Variants in ARHGAP15 observed in about 807,000 individuals in gnomAD.
ARHGAP15 encodes the protein rho GTPase-activating protein 15.
A neutral mutation model predicts 63.7 loss-of-function variants in ARHGAP15; 51 were observed. The ratio of observed to expected loss-of-function variants is 0.80; its 90% CI spans 0.64 to 1.01. ARHGAP15 has a LOEUF of 1.01. ARHGAP15 is among the 50% of genes least tolerant of loss of function. The pLI is 0.00. For missense variants in ARHGAP15, 560 were observed against 564.6 expected (o/e 0.99, Z 0.08); for synonymous variants, 191 against 193.8 (o/e 0.99, Z 0.12).
intron 9 of ARHGAP15, among the ~76,000 whole-genome samples, chr2:143,516,952 TTGTTGG>T (rs941735204): frequency 6.7e-5 from 10 of 150,346 alleles, no homozygotes; most frequent in African/African-American, 2.2e-4. Flanking sequence ...TTTGTTGTTG[TTGTTGG>T]TGTTGTTTTG....
At chr2:143,700,654 T>C (rs989856415) in intron 12 of ARHGAP15, among the ~76,000 whole-genome samples, 2 of 152,032 alleles carry the variant, frequency 1.3e-5, no homozygotes, top group Non-Finnish European at 2.9e-5. Context: ...CTGTACAGAA[T>C]GTATCCACCT....
intron 10 of ARHGAP15, among the ~76,000 whole-genome samples, chr2:143,521,728 G>A (rs962668737): frequency 1.3e-5 from 2 of 152,050 alleles, no homozygotes; most frequent in African/African-American, 4.8e-5. Flanking sequence ...TAGGGAAATG[G>A]TCTTGATACT....
chr2:143,502,887 T>G (rs1458080199), intron 9 of ARHGAP15, among the ~76,000 whole-genome samples: 1 of 152,192 alleles, frequency 6.6e-6, no homozygotes, highest in Non-Finnish European at 1.5e-5. Flanking sequence ...CCCCTGTGTG[T>G]GGATTCTTTC....
chr2:143,361,493 G>T (rs939220722), intron 6 of ARHGAP15, among the ~76,000 whole-genome samples: 1 of 152,250 alleles, frequency 6.6e-6, no homozygotes, highest in African/African-American at 2.4e-5. Context: ...ATAAAGCAGA[G>T]ATCTTGATGT....
At chr2:143,611,446 T>C (rs1319241779) in intron 11 of ARHGAP15, among the ~76,000 whole-genome samples, 1 of 152,202 alleles carries the variant, frequency 6.6e-6, no homozygotes, top group Admixed American at 6.5e-5. Flanking sequence ...TCCTCACTTA[T>C]AAAATCCGTG....
chr2:143,360,464 C>T (rs1685999342), intron 6 of ARHGAP15, among the ~76,000 whole-genome samples: 1 of 151,124 alleles, frequency 6.6e-6, no homozygotes, highest in Non-Finnish European at 1.5e-5. Flanking sequence ...TAGGCATCAA[C>T]AACTTAAAAG....
chr2:143,704,473 T>G (rs897136688), intron 13 of ARHGAP15, among the ~76,000 whole-genome samples: 1 of 152,124 alleles, frequency 6.6e-6, no homozygotes, highest in South Asian at 2.1e-4. Context: ...AGTGTGCAAA[T>G]TTTGGGTTTC....
At chr2:143,203,565 C>T (rs1262151048) in intron 3 of ARHGAP15, among the ~76,000 whole-genome samples, 1 of 152,088 alleles carries the variant, frequency 6.6e-6, no homozygotes, top group Non-Finnish European at 1.5e-5. Context: ...AGAAGCCCAA[C>T]AACCACCAGT....
Position 143,212,332 on chromosome 2 carries a change from G to A in ARHGAP15, c.235-4052G>A, listed in dbSNP as rs540557183. On this transcript the variant is annotated intron_variant, in intron 3 of 13. Transcript: ENST00000295095. ...TCTGTATCTCAGCATGGCTGTGTCT[G>A]CCGAGCACTTCCTCAGTGCTTGCAG... is the stretch of plus-strand genomic sequence containing the variant. Among the ~76,000 whole-genome samples the A allele has an allele frequency of 2.0e-5, 3 of 152,298 alleles. No individual in the cohort carries two copies. The East Asian group carries it at 5.8e-4, about 29-fold the overall frequency.
chr2:143,326,943 G>A (rs770250506), intron 6 of ARHGAP15, among the ~76,000 whole-genome samples: 3 of 152,160 alleles, frequency 2.0e-5, no homozygotes, highest in Non-Finnish European at 4.4e-5. Flanking sequence ...AGAAAGAAAG[G>A]AAATTCAAAT....
intron 13 of ARHGAP15, among the ~76,000 whole-genome samples, chr2:143,707,456 AT>A (rs1396139841): frequency 6.6e-6 from 1 of 152,242 alleles, no homozygotes; most frequent in African/African-American, 2.4e-5. Context: ...GGGAAAGAAG[AT>A]GACGAGGTTG....
intron 6 of ARHGAP15, among the ~76,000 whole-genome samples, chr2:143,410,828 T>G (rs1184858246): frequency 8.8e-5 from 12 of 136,682 alleles, no homozygotes; most frequent in African/African-American, 3.0e-4. Flanking sequence ...TTTTTTTTTT[T>G]GAAAAAGTAT....
chr2:143,490,437 C>T (rs1286836613), intron 9 of ARHGAP15, among the ~76,000 whole-genome samples: 4 of 152,162 alleles, frequency 2.6e-5, no homozygotes, highest in Admixed American at 6.5e-5. Flanking sequence ...GACCCTATAA[C>T]GCCCATCAGA....
rs561002028 is a variant in ARHGAP15, at chr2:143,336,281, C to T, written c.474+85681C>T. 3.3e-5 allele frequency among the ~76,000 whole-genome samples: 5 copies of T among 152,182 alleles called. No individual in the cohort carries two copies. In the East Asian group the frequency reaches 9.7e-4, roughly 29 times the overall value. On this transcript the variant is annotated intron_variant, in intron 6 of 13. Coordinates refer to ENST00000295095, the MANE Select transcript of ARHGAP15 (RefSeq NM_018460.4). ...GTTTTTCCCTGGGCAATAGAGGAAA[C>T]CACTGAAGGGCATACCTCTATAAGG...
At chr2:143,277,248 C>T (rs572190291) in intron 6 of ARHGAP15, among the ~76,000 whole-genome samples, 9 of 151,960 alleles carry the variant, frequency 5.9e-5, no homozygotes, top group African/African-American at 2.2e-4. Flanking sequence ...TCATTTGTTG[C>T]ACACTCCTCA....
chr2:143,517,558 T>C (rs1366415652), intron 9 of ARHGAP15, among the ~76,000 whole-genome samples: 2 of 152,200 alleles, frequency 1.3e-5, no homozygotes, highest in Non-Finnish European at 2.9e-5. Flanking sequence ...GTGCCAACAC[T>C]GTCTAGGTAC....
At chr2:143,541,196 T>G (rs1695031715) in intron 10 of ARHGAP15, among the ~76,000 whole-genome samples, 1 of 152,236 alleles carries the variant, frequency 6.6e-6, no homozygotes, top group African/African-American at 2.4e-5. Flanking sequence ...GTATTCATCA[T>G]GTAGTTCTTG....
intron 11 of ARHGAP15, among the ~76,000 whole-genome samples, chr2:143,592,179 C>T (rs935113449): frequency 1.4e-4 from 22 of 152,104 alleles, no homozygotes; most frequent in African/African-American, 2.7e-4. Context: ...ATTATACTCT[C>T]ATATAATAAG....
At chr2:143,765,212 C>A (rs1686909625) in intron 13 of ARHGAP15, among the ~76,000 whole-genome samples, 1 of 150,928 alleles carries the variant, frequency 6.6e-6, no homozygotes. Context: ...TGGGAAAAAC[C>A]TGCATTGCCT....
Sources: gnomAD v4.1 joint callset for allele counts (sites outside exome capture counted in the v4.1 genomes callset) on GRCh38, gnomAD v4.1.1 for gene constraint, MANE v1.5 for transcripts, NCBI Gene and HGNC (gene_info 2026-07-23, HGNC 2026-07-21) for gene names.